DEAF1: variants seen among roughly 807,000 people sequenced by gnomAD.
DEAF1 encodes deformed epidermal autoregulatory factor 1 homolog.
DEAF1 carries 53 observed loss-of-function variants against 58.9 expected under a neutral mutation model. That is an observed-to-expected ratio of 0.90 (90% CI 0.72 to 1.13). The LOEUF (loss-of-function observed/expected upper bound fraction) is 1.13, where lower values mean the gene tolerates loss of function less well. Among genes scored for constraint, DEAF1 ranks in the 50% most tolerant of loss-of-function variants. The pLI, the probability that DEAF1 is intolerant of heterozygous loss-of-function variation, is 0.00. For missense variants in DEAF1, 685 were observed against 791.4 expected, an observed-to-expected ratio of 0.87 and a Z score of 1.61; for synonymous variants, 385 against 340.4, an observed-to-expected ratio of 1.13 and a Z score of -1.44.
rs1427553547 is a variant in DEAF1 at position 694,836 on chromosome 11, G to A, written c.212C>T (p.Ala71Val). ...PRVTAVAVMAAEPGHMDMGAE... is the reference protein window; with the variant it reads ...PRVTAVAVMAVEPGHMDMGAE... ...GCCCATGTCCATGTGCCCGGGCTCC[G>A]CCGCCATCACCGCCACTGCCGTGAC... is the stretch of plus-strand genomic sequence containing the variant. The change falls in exon 1 of 12, where the codon GCG becomes GTG. Residue 71 changes from alanine to valine, a missense_variant. Ala to Val is a moderately conservative substitution (Grantham distance 64). Coordinates refer to ENST00000382409, the MANE Select transcript of DEAF1 (RefSeq NM_021008.4). 3.4e-6 allele frequency: 5 copies of A among 1,467,938 alleles called. No homozygotes were observed. The highest frequency in any genetic ancestry group is 1.5e-5 in the African/African-American group (1 of 68,890). 90.9% of individuals were successfully genotyped at this position (1,467,938 alleles called of 1,614,324 possible).
intron 9 of DEAF1, 129 bp from the exon 10 acceptor site, chr11:674,912 A>G (rs1230301804): frequency 1.6e-6 from 2 of 1,224,910 alleles, no homozygotes; most frequent in East Asian, 4.8e-5. Context: ...TGGGAGGCCA[A>G]GGCAGGCGGA....
intron 1 of DEAF1, among the ~76,000 whole-genome samples, chr11:693,186 A>C (rs1860909373): frequency 6.6e-6 from 1 of 152,244 alleles, no homozygotes; most frequent in Admixed American, 6.5e-5. Flanking sequence ...CTCTGACATC[A>C]TGATGAACAG....
At chr11:685,099 T>G in intron 5 of DEAF1, 136 bp from the exon 6 acceptor site, 1 of 791,496 alleles carries the variant, frequency 1.3e-6, no homozygotes, top group Non-Finnish European at 2.0e-6. Context: ...TTTTTTTTTT[T>G]TTTGAGACAG....
At position 688,480 on chromosome 11, in the gene DEAF1, C is replaced by T. The variant is rs373316580; in HGVS notation, c.388-20G>A. On this transcript the variant is annotated intron_variant, in intron 2 of 11. Coordinates refer to ENST00000382409, the MANE Select transcript of DEAF1 (RefSeq NM_021008.4). This position sits in a 1 kb window ranked among gnomAD's most constrained non-coding sequence, Gnocchi z 4.3. ...ACCAGACTAGAAGGAAAAACCGCTCCGTCAGGTCACGTCCGAGAGTGACAC... is the reference window on the plus strand; with the variant it reads ...ACCAGACTAGAAGGAAAAACCGCTCTGTCAGGTCACGTCCGAGAGTGACAC... 7.6e-5 allele frequency: 123 copies of T among 1,612,992 alleles called. No individual in the cohort carries two copies. Among genetic ancestry groups the T allele is most frequent in the Non-Finnish European group, 9.4e-5 (111 of 1,179,984 alleles).
At chr11:680,846 G>A (rs1860327925) in intron 7 of DEAF1, 117 bp downstream of exon 7, 5 of 1,456,680 alleles carry the variant, frequency 3.4e-6, no homozygotes, top group Non-Finnish European at 4.8e-6. Flanking sequence ...GAATCCCTCT[G>A]GCCACGCAAT....
At chr11:705,770 A>G (rs541996354) in intron 1 of DEAF1, among the ~76,000 whole-genome samples, 1 of 152,234 alleles carries the variant, frequency 6.6e-6, no homozygotes, top group African/African-American at 2.4e-5. Context: ...TGACCTCCCC[A>G]GGGCTGGAGC....
Position 686,921 on chromosome 11 carries a change from G to A in DEAF1, c.741C>T (p.Ala247=), listed in dbSNP as rs373478956. 1.1e-5 allele frequency: 18 copies of A among 1,614,214 alleles called. No homozygotes were observed. The highest frequency in any genetic ancestry group is 1.6e-4 in the Middle Eastern group (1 of 6,062). ...PTEFEAMAGR[A]SSKDWKRSIR... is the part of the protein sequence containing the mutation. ...TGCTTCTTTTCCAGTCCTTACTGCT[G>A]GCTCTTCCTGCCATGGCCTCAAACT... is the stretch of plus-strand genomic sequence containing the variant. Residue 247 remains alanine, a synonymous_variant, in exon 5 of 12, where the codon GCC becomes GCT. Coordinates refer to ENST00000382409, the MANE Select transcript of DEAF1 (RefSeq NM_021008.4).
chr11:701,704 C>T (rs12363410), intron 1 of DEAF1, among the ~76,000 whole-genome samples: 83,314 of 151,670 alleles, frequency 0.55, 22,844 homozygotes, highest in East Asian at 0.72. Flanking sequence ...CCACCGCGCC[C>T]GGCCGGAGAC....
At chr11:650,353 G>C (rs576542127) in intron 11 of DEAF1, among the ~76,000 whole-genome samples, 1 of 116,610 alleles carries the variant, frequency 8.6e-6, no homozygotes, top group Non-Finnish European at 1.6e-5. Flanking sequence ...CAGCCTGGGG[G>C]ACAGAGTGAC....
At chr11:699,626 T>C (rs1861351348), upstream of DEAF1, 1 of 156,190 alleles carries the variant, frequency 6.4e-6, no homozygotes, top group Non-Finnish European at 1.4e-5. Flanking sequence ...TGCACGCCTG[T>C]AATCCCAGCT....
chr11:657,678 T>A (rs1218057246), intron 10 of DEAF1, among the ~76,000 whole-genome samples: 2 of 152,104 alleles, frequency 1.3e-5, no homozygotes, highest in East Asian at 1.9e-4. Flanking sequence ...GTCACTTGGA[T>A]GTCAGGGACG....
At chr11:673,436 A>G (rs1859919726) in intron 10 of DEAF1, among the ~76,000 whole-genome samples, 1 of 152,068 alleles carries the variant, frequency 6.6e-6, no homozygotes, top group Non-Finnish European at 1.5e-5. Context: ...GCTGAGGCAC[A>G]AGAATCGCTG....
At chr11:664,235 A>C (rs925137098) in intron 10 of DEAF1, among the ~76,000 whole-genome samples, 2 of 152,068 alleles carry the variant, frequency 1.3e-5, no homozygotes, top group Non-Finnish European at 2.9e-5. Flanking sequence ...AAAAAGAAAA[A>C]AAAGAAAAAA....
Position 695,210 on chromosome 11 carries a change from C to T in DEAF1, c.-163G>A. On this transcript the variant is annotated 5_prime_UTR_variant, in exon 1 of 12. Coordinates refer to ENST00000382409, the MANE Select transcript of DEAF1 (RefSeq NM_021008.4). ...AAAGGCAGCCAGCCGCCGAGCAGAGCCGAGCCGAGTCCGCCCGCGGAGCGG... is the reference window on the plus strand; with the variant it reads ...AAAGGCAGCCAGCCGCCGAGCAGAGTCGAGCCGAGTCCGCCCGCGGAGCGG... 1 of 620,456 alleles carries T rather than the reference C, an allele frequency of 1.6e-6. No individual in the cohort carries two copies. The highest frequency in any genetic ancestry group is 3.4e-5 in the South Asian group (1 of 29,090). 38.4% of individuals were successfully genotyped at this position (620,456 alleles called of 1,614,324 possible). A position where few individuals can be genotyped will look rare whatever the true frequency, so the allele number is the denominator to read the frequency against.
At chr11:698,634 A>G (rs1861306297), upstream of DEAF1, among the ~76,000 whole-genome samples, 1 of 151,790 alleles carries the variant, frequency 6.6e-6, no homozygotes, top group Non-Finnish European at 1.5e-5. Context: ...TGCCCCCGGT[A>G]CTCGCTGTCT....
At chr11:703,120 G>A (rs1344280459) in intron 1 of DEAF1, 18 of 1,609,218 alleles carry the variant, frequency 1.1e-5, no homozygotes, top group Non-Finnish European at 1.5e-5. Flanking sequence ...CCGTCCTGCA[G>A]GTGGTTGCCA....
chr11:682,960 G>A (rs1390418611), intron 6 of DEAF1, among the ~76,000 whole-genome samples: 1 of 152,136 alleles, frequency 6.6e-6, no homozygotes, highest in Non-Finnish European at 1.5e-5. Context: ...CACCCACAAT[G>A]GAGCCTCCAC....
intron 10 of DEAF1, among the ~76,000 whole-genome samples, chr11:656,865 CTT>C (rs576045088): frequency 1.4e-5 from 2 of 147,128 alleles, no homozygotes; most frequent in Non-Finnish European, 1.5e-5. Flanking sequence ...CTTTGCAAAA[CTT>C]TTTTTTTTTT....
At chr11:703,918 C>G (rs747150874) in intron 1 of DEAF1, 19 of 1,241,662 alleles carry the variant, frequency 1.5e-5, no homozygotes, top group Non-Finnish European at 1.9e-5. Flanking sequence ...GCCTTTTGCA[C>G]GGAGTGCTAA....
Sources: gnomAD v4.1 joint callset for allele counts (sites outside exome capture counted in the v4.1 genomes callset) on GRCh38, gnomAD v4.1.1 for gene constraint, Gnocchi (gnomAD v3.1) non-coding constraint, MANE v1.5 for transcripts, NCBI Gene and HGNC (gene_info 2026-07-23, HGNC 2026-07-21) for gene names.